The following ZNF536 variants were observed in gnomAD, a reference collection of about 807,000 sequenced individuals.
The protein encoded by ZNF536 is zinc finger protein 536.
In ZNF536, 13 loss-of-function variants were observed where a neutral mutation model predicts 84.5. The observed-to-expected ratio is 0.15, with a 90% CI of 0.10 to 0.24. The LOEUF (loss-of-function observed/expected upper bound fraction) is 0.24, where lower values mean the gene tolerates loss of function less well. ZNF536 is among the 10% of genes least tolerant of loss of function. The probability of loss-of-function intolerance (pLI) is 1.00; values close to 1 mark genes in which losing one functional copy is unlikely to be tolerated. For synonymous variants in ZNF536, 811 were observed against 742.5 expected (o/e 1.09, Z -1.50); for missense variants, 1,536 against 1,747.5 (o/e 0.88, Z 2.16).
intron 1 of ZNF536, among the ~76,000 whole-genome samples, chr19:30,420,975 C>T (rs960993715): frequency 1.3e-5 from 2 of 152,180 alleles, no homozygotes; most frequent in African/African-American, 2.4e-5. Context: ...TTCACCTTCA[C>T]TTACACGCTG....
intron 1 of ZNF536, among the ~76,000 whole-genome samples, chr19:30,581,817 C>T (rs1267188249): frequency 6.6e-6 from 1 of 152,016 alleles, no homozygotes; most frequent in Non-Finnish European, 1.5e-5. Flanking sequence ...ACCTATTATC[C>T]CAGCTACTCG....
intron 1 of ZNF536, among the ~76,000 whole-genome samples, chr19:30,636,477 A>G (rs2049068837): frequency 6.6e-6 from 1 of 152,214 alleles, no homozygotes; most frequent in African/African-American, 2.4e-5. Context: ...TTCTTCAAGT[A>G]AGAGGCTCCC....
Position 30,664,244 on chromosome 19 carries a change from CT to C in ZNF536, c.170-46512del, listed in dbSNP as rs2050234647. Among the ~76,000 whole-genome samples the C allele has an allele frequency of 4.0e-5, 6 of 150,346 alleles. No individual in the cohort carries two copies. The South Asian group carries it at 1.1e-3, about 27-fold the overall frequency. On this transcript the variant is annotated intron_variant, in intron 1 of 1. Coordinates refer to the ZNF536 transcript ENST00000592773. ...TCTCTCTCTCTCTCTCTCTCTCTCT[CT>C]CTCTCTCTCTCTCTCTCCCTCTCCC...
intron 1 of ZNF536, among the ~76,000 whole-genome samples, chr19:30,639,694 C>T (rs143302531): frequency 4.9e-4 from 74 of 152,292 alleles, no homozygotes; most frequent in Non-Finnish European, 8.8e-4. Context: ...AATAAGTGTG[C>T]GGGGTGCTTA....
At chr19:30,535,928 C>T (rs1004786899) in intron 3 of ZNF536, among the ~76,000 whole-genome samples, 4 of 152,028 alleles carry the variant, frequency 2.6e-5, no homozygotes, top group Non-Finnish European at 4.4e-5. Flanking sequence ...GCATGGGCAT[C>T]GCGTGGGGGG....
chr19:30,287,727 TG>T (rs1364874284), intron 2 of ZNF536, among the ~76,000 whole-genome samples: 7 of 134,652 alleles, frequency 5.2e-5, no homozygotes, highest in Non-Finnish European at 7.9e-5. Context: ...GATGGGTGGG[TG>T]GGTGGCTGGA....
chr19:30,524,498 A>G (rs144795483), intron 2 of ZNF536, among the ~76,000 whole-genome samples: 257 of 152,360 alleles, frequency 1.7e-3, no homozygotes, highest in African/African-American at 6.0e-3. Context: ...TTGTTTAAAA[A>G]AGAATATGGC....
chr19:30,226,458 A>C (rs2144557700), upstream of ZNF536, among the ~76,000 whole-genome samples: 1 of 151,344 alleles, frequency 6.6e-6, no homozygotes, highest in East Asian at 2.0e-4. This position sits in a 1 kb window ranked among gnomAD's most constrained non-coding sequence, Gnocchi z 4.6. Flanking sequence ...GCGGGCGCCG[A>C]GAGCCGCTGA....
chr19:30,530,548 T>C (rs1281179871), intron 2 of ZNF536, among the ~76,000 whole-genome samples: 1 of 152,168 alleles, frequency 6.6e-6, no homozygotes, highest in Non-Finnish European at 1.5e-5. Context: ...CGTTTTACCA[T>C]GTTGGCCAGG....
chr19:30,414,907 C>T (rs1359399789), intron 1 of ZNF536, among the ~76,000 whole-genome samples: 1 of 152,172 alleles, frequency 6.6e-6, no homozygotes, highest in East Asian at 1.9e-4. Flanking sequence ...TCCCCCAGCC[C>T]TTTGAAAATA....
intron 3 of ZNF536, among the ~76,000 whole-genome samples, chr19:30,538,862 C>T (rs1013672620): frequency 1.3e-5 from 2 of 152,100 alleles, no homozygotes; most frequent in Non-Finnish European, 2.9e-5. Context: ...ATTGCAGGCT[C>T]AGAAAGGAGA....
chr19:30,373,499 CA>C (rs1350084599), intron 1 of ZNF536, among the ~76,000 whole-genome samples: 1 of 151,712 alleles, frequency 6.6e-6, no homozygotes, highest in Non-Finnish European at 1.5e-5. Flanking sequence ...AGAACAACAA[CA>C]ACAAAAATGT....
At chr19:30,322,563 C>T (rs576389217) in intron 2 of ZNF536, among the ~76,000 whole-genome samples, 9 of 152,172 alleles carry the variant, frequency 5.9e-5, no homozygotes, top group African/African-American at 1.9e-4. Flanking sequence ...ATCCTGCCCC[C>T]CTGGCCAGGC....
At chr19:30,464,903 G>A (rs1600853120) in intron 2 of ZNF536, among the ~76,000 whole-genome samples, 3 of 152,002 alleles carry the variant, frequency 2.0e-5, no homozygotes, top group Admixed American at 6.6e-5. Flanking sequence ...GTGGCTCTTC[G>A]GGGAATTTGG....
intron 2 of ZNF536, among the ~76,000 whole-genome samples, chr19:30,511,686 A>G (rs1164913310): frequency 6.6e-6 from 1 of 152,224 alleles, no homozygotes; most frequent in Non-Finnish European, 1.5e-5. Flanking sequence ...TACACATGTA[A>G]AATTTTAAAT....
chr19:30,227,345 G>A, upstream of ZNF536, among the ~76,000 whole-genome samples: 1 of 152,162 alleles, frequency 6.6e-6, no homozygotes, highest in African/African-American at 2.4e-5. Context: ...CCCGAGTTAG[G>A]TGGAGGATTG....
At chr19:30,504,632 C>T (rs376863082) in intron 2 of ZNF536, among the ~76,000 whole-genome samples, 1 of 148,730 alleles carries the variant, frequency 6.7e-6, no homozygotes, top group African/African-American at 2.5e-5. Context: ...CTCCCTCCCA[C>T]CCTCTCTCTG....
At chr19:30,413,249 C>T (rs935736903) in intron 1 of ZNF536, among the ~76,000 whole-genome samples, 1 of 152,060 alleles carries the variant, frequency 6.6e-6, no homozygotes, top group Non-Finnish European at 1.5e-5. Flanking sequence ...TGAATCCCTT[C>T]TTACTTTCAT....
intron 1 of ZNF536, among the ~76,000 whole-genome samples, chr19:30,439,959 C>CTTTTTT (rs199638233): frequency 7.3e-4 from 70 of 96,388 alleles, no homozygotes; most frequent in Non-Finnish European, 9.0e-4. Flanking sequence ...TTCTTTCTTT[C>CTTTTTT]TTTTTTTTTT....
Sources: gnomAD v4.1 joint callset for allele counts (sites outside exome capture counted in the v4.1 genomes callset) on GRCh38, gnomAD v4.1.1 for gene constraint, Gnocchi (gnomAD v3.1) non-coding constraint, MANE v1.5 for transcripts, NCBI Gene and HGNC (gene_info 2026-07-23, HGNC 2026-07-21) for gene names.